Variants in KCTD8 observed in about 807,000 individuals in gnomAD.
KCTD8 encodes BTB/POZ domain-containing protein KCTD8.
A neutral mutation model predicts 31.5 loss-of-function variants in KCTD8; 27 were observed. The observed-to-expected ratio is 0.86, with a 90% CI of 0.63 to 1.18. The LOEUF is 1.18. Ranked by LOEUF, KCTD8 falls within the 50% of genes most tolerant of loss-of-function variation. KCTD8 has a pLI of 0.00. For synonymous variants in KCTD8, 290 were observed against 280.0 expected (o/e 1.04, Z -0.36); for missense variants, 658 against 647.7 (o/e 1.02, Z -0.17).
intron 1 of KCTD8, among the ~76,000 whole-genome samples, chr4:44,256,349 T>A (rs932882353): frequency 6.6e-6 from 1 of 151,898 alleles, no homozygotes; most frequent in African/African-American, 2.4e-5. Flanking sequence ...TTCATGCATA[T>A]GACAAAGAAT....
At chr4:44,342,608 A>T (rs1297031947) in intron 1 of KCTD8, among the ~76,000 whole-genome samples, 3 of 152,184 alleles carry the variant, frequency 2.0e-5, no homozygotes, top group Non-Finnish European at 2.9e-5. Context: ...GAAGAGAGAT[A>T]ACCTGTCTTT....
rs540619853 is a variant in KCTD8 at position 44,371,847 on chromosome 4, C to T, written c.961+75716G>A. Reference sequence around the variant, plus strand: ...TATCCAAAAGCATATATTTTCCTCCCTTTCTTATTTTTTATTAAGGTTCTG... The same window carrying T: ...TATCCAAAAGCATATATTTTCCTCCTTTTCTTATTTTTTATTAAGGTTCTG... On this transcript the variant is annotated intron_variant, in intron 1 of 1. Coordinates refer to ENST00000360029, the MANE Select transcript of KCTD8 (RefSeq NM_198353.3). Among the ~76,000 whole-genome samples the T allele has an allele frequency of 1.6e-4, 25 of 152,172 alleles. No individual in the cohort carries two copies. The South Asian group carries it at 5.0e-3, about 30-fold the overall frequency.
At chr4:44,431,588 C>CA (rs747013236) in intron 1 of KCTD8, among the ~76,000 whole-genome samples, 26 of 150,568 alleles carry the variant, frequency 1.7e-4, no homozygotes, top group Non-Finnish European at 2.8e-4. Flanking sequence ...AAAACAACAA[C>CA]AACAAAAAAA....
At chr4:44,297,136 C>G (rs1717457870) in intron 1 of KCTD8, among the ~76,000 whole-genome samples, 1 of 151,976 alleles carries the variant, frequency 6.6e-6, no homozygotes, top group Non-Finnish European at 1.5e-5. Flanking sequence ...CACATAAAGC[C>G]TGCCACCACT....
chr4:44,342,631 C>G (rs1718933045), intron 1 of KCTD8, among the ~76,000 whole-genome samples: 1 of 152,114 alleles, frequency 6.6e-6, no homozygotes, highest in Admixed American at 6.6e-5. Flanking sequence ...AGCTTTTAAG[C>G]CAGGTATTTA....
At chr4:44,352,465 GAGAAT>G (rs553296807) in intron 1 of KCTD8, among the ~76,000 whole-genome samples, 6 of 148,610 alleles carry the variant, frequency 4.0e-5, no homozygotes, top group Non-Finnish European at 5.9e-5. Flanking sequence ...ATAGTAAAAA[GAGAAT>G]AGAATAGAAA....
intron 1 of KCTD8, among the ~76,000 whole-genome samples, chr4:44,354,366 C>A (rs1382731381): frequency 6.6e-6 from 1 of 152,140 alleles, no homozygotes. Flanking sequence ...ACCAGGGAAA[C>A]TGGATGACTC....
At chr4:44,388,482 A>G (rs1319947474) in intron 1 of KCTD8, among the ~76,000 whole-genome samples, 1 of 152,060 alleles carries the variant, frequency 6.6e-6, no homozygotes. Context: ...AGACTGGATA[A>G]AGAAAATGTG....
intron 1 of KCTD8, among the ~76,000 whole-genome samples, chr4:44,251,752 T>C (rs1190159416): frequency 5.3e-5 from 8 of 151,522 alleles, no homozygotes; most frequent in Non-Finnish European, 1.2e-4. Context: ...TAACCTTTAT[T>C]GAGTTAAGGA....
chr4:44,424,918 A>C (rs1265112191), intron 1 of KCTD8, among the ~76,000 whole-genome samples: 3 of 151,952 alleles, frequency 2.0e-5, no homozygotes, highest in Non-Finnish European at 4.4e-5. Flanking sequence ...TCCAAATGGG[A>C]CTGCATTTGG....
chr4:44,276,620 T>C (rs1716757880), intron 1 of KCTD8, among the ~76,000 whole-genome samples: 3 of 151,988 alleles, frequency 2.0e-5, no homozygotes, highest in Non-Finnish European at 2.9e-5. Flanking sequence ...TCATTCTATA[T>C]AACTAGTTGG....
chr4:44,239,557 T>G (rs1185216146), intron 1 of KCTD8, among the ~76,000 whole-genome samples: 1 of 152,188 alleles, frequency 6.6e-6, no homozygotes, highest in Non-Finnish European at 1.5e-5. Flanking sequence ...ACTTCACTGC[T>G]TGATTTATTA....
At chr4:44,301,103 A>G (rs1227338383) in intron 1 of KCTD8, among the ~76,000 whole-genome samples, 1 of 151,870 alleles carries the variant, frequency 6.6e-6, no homozygotes, top group East Asian at 1.9e-4. Context: ...CATTTTCTTA[A>G]TCCAGTCTAT....
chr4:44,436,862 C>G (rs992748649), intron 1 of KCTD8, among the ~76,000 whole-genome samples: 2 of 152,028 alleles, frequency 1.3e-5, no homozygotes, highest in Non-Finnish European at 2.9e-5. Flanking sequence ...GACTGGTGCT[C>G]TTTCACACAA....
intron 1 of KCTD8, among the ~76,000 whole-genome samples, chr4:44,234,496 A>C (rs1178583789): frequency 6.6e-6 from 1 of 152,192 alleles, no homozygotes; most frequent in Non-Finnish European, 1.5e-5. Context: ...AGAATACAGG[A>C]AAGTAGGAGC....
chr4:44,325,405 G>A (rs756815050), intron 1 of KCTD8, among the ~76,000 whole-genome samples: 2 of 151,920 alleles, frequency 1.3e-5, no homozygotes, highest in Admixed American at 6.6e-5. Flanking sequence ...GTTGGTCAAA[G>A]TATGAAGACA....
chr4:44,328,068 G>T (rs1560427299), intron 1 of KCTD8, among the ~76,000 whole-genome samples: 1 of 151,766 alleles, frequency 6.6e-6, no homozygotes, highest in Non-Finnish European at 1.5e-5. Context: ...TATTTAAATG[G>T]ATGATATATA....
intron 1 of KCTD8, among the ~76,000 whole-genome samples, chr4:44,266,402 A>G (rs1295839634): frequency 3.3e-5 from 5 of 152,238 alleles, no homozygotes; most frequent in Non-Finnish European, 5.9e-5. Flanking sequence ...AGCAGTAAAC[A>G]TGGAAAGGAA....
intron 1 of KCTD8, among the ~76,000 whole-genome samples, chr4:44,208,758 T>G (rs1314024679): frequency 3.9e-5 from 6 of 152,136 alleles, no homozygotes; most frequent in Admixed American, 2.0e-4. Context: ...CTATAGATAC[T>G]GTAAATACTA....
Sources: gnomAD v4.1 joint callset for allele counts (sites outside exome capture counted in the v4.1 genomes callset) on GRCh38, gnomAD v4.1.1 for gene constraint, MANE v1.5 for transcripts, NCBI Gene and HGNC (gene_info 2026-07-23, HGNC 2026-07-21) for gene names.